The following PTPRT variants were observed in gnomAD, a reference collection of about 807,000 sequenced individuals.
PTPRT encodes protein tyrosine phosphatase receptor type T.
A neutral mutation model predicts 176.8 loss-of-function variants in PTPRT; 56 were observed. That is an observed-to-expected ratio of 0.32 (90% CI 0.26 to 0.40). The LOEUF (loss-of-function observed/expected upper bound fraction) is 0.40. Among genes scored for constraint, PTPRT ranks in the 10% least tolerant of loss-of-function variants. The pLI, the probability that PTPRT is intolerant of heterozygous loss-of-function variation, is 1.00. For missense variants in PTPRT, 1,540 were observed against 1,908.2 expected (o/e 0.81, Z 3.60); for synonymous variants, 783 against 739.0 (o/e 1.06, Z -0.96).
At chr20:42,310,894 TG>T (rs1422154343) in intron 12 of PTPRT, among the ~76,000 whole-genome samples, 1 of 152,214 alleles carries the variant, frequency 6.6e-6, no homozygotes, top group Non-Finnish European at 1.5e-5. Flanking sequence ...GAACAACTCT[TG>T]TGTCATGAAA....
intron 1 of PTPRT, among the ~76,000 whole-genome samples, chr20:42,958,993 G>A (rs1981834508): frequency 6.6e-6 from 1 of 152,154 alleles, no homozygotes. Flanking sequence ...TAAATTAAAT[G>A]TTTCAGTTCA....
chr20:42,910,976 G>A (rs555173379), intron 1 of PTPRT, among the ~76,000 whole-genome samples: 23 of 152,156 alleles, frequency 1.5e-4, no homozygotes, highest in Non-Finnish European at 2.5e-4. Flanking sequence ...ATGAGGGGAA[G>A]AGCCCCTTAT....
intron 7 of PTPRT, among the ~76,000 whole-genome samples, chr20:42,571,187 A>G (rs1430176446): frequency 1.3e-5 from 2 of 152,258 alleles, no homozygotes; most frequent in East Asian, 1.9e-4. Flanking sequence ...AAGCATGAAC[A>G]ATGATGAACA....
At chr20:42,483,986 C>T (rs1232715587) in intron 7 of PTPRT, among the ~76,000 whole-genome samples, 1 of 152,214 alleles carries the variant, frequency 6.6e-6, no homozygotes, top group Non-Finnish European at 1.5e-5. Context: ...TTGGATCTAG[C>T]TTGCAGTTTC....
At chr20:43,183,099 A>G (rs1440871537) in intron 1 of PTPRT, among the ~76,000 whole-genome samples, 1 of 152,208 alleles carries the variant, frequency 6.6e-6, no homozygotes, top group Non-Finnish European at 1.5e-5. Context: ...AAAGCTACCT[A>G]ATTGCTCAGA....
At chr20:42,860,373 T>C (rs939231103) in intron 2 of PTPRT, among the ~76,000 whole-genome samples, 1 of 152,256 alleles carries the variant, frequency 6.6e-6, no homozygotes, top group Non-Finnish European at 1.5e-5. Context: ...CATTCTCTTT[T>C]CAACATTTGC....
In PTPRT at chr20:42,723,339, C is replaced by T. The variant is rs546768916; in HGVS notation, c.859+33123G>A. 2.0e-5 allele frequency among the ~76,000 whole-genome samples: 3 copies of T among 152,104 alleles called. No individual in the cohort carries two copies. In the South Asian group the frequency reaches 6.2e-4, roughly 32 times the overall value. On this transcript the variant is annotated intron_variant, in intron 6 of 30. Coordinates refer to ENST00000373187, the MANE Select transcript of PTPRT (RefSeq NM_007050.6). Reference sequence around the variant, plus strand: ...GGCTTGAATATGGTCCTGCCCAGCTCGGAAGCAGCTGGCAGGTCAACCAGG... The same window carrying T: ...GGCTTGAATATGGTCCTGCCCAGCTTGGAAGCAGCTGGCAGGTCAACCAGG...
At chr20:43,164,137 C>T (rs6130305) in intron 1 of PTPRT, among the ~76,000 whole-genome samples, 34,451 of 152,036 alleles carry the variant, frequency 0.23, 4,272 homozygotes, top group African/African-American at 0.32. Context: ...TTGGAAAGTC[C>T]TACCTTAAAT....
intron 15 of PTPRT, among the ~76,000 whole-genome samples, chr20:42,230,427 T>A (rs965715035): frequency 6.6e-6 from 1 of 152,158 alleles, no homozygotes. Flanking sequence ...CACCTTGAGG[T>A]AAATTAACCT....
chr20:42,279,997 A>C (rs893299095), intron 13 of PTPRT, among the ~76,000 whole-genome samples: 5 of 143,246 alleles, frequency 3.5e-5, no homozygotes, highest in East Asian at 2.0e-4. Flanking sequence ...GCCTTGGGAG[A>C]GACTGGTGAC....
At chr20:42,062,909 T>A in the PTPRT span, among the ~76,000 whole-genome samples, 1 of 152,350 alleles carries the variant, frequency 6.6e-6, no homozygotes, top group South Asian at 2.1e-4. Context: ...CTATGACTTT[T>A]ACAGGTAAGA....
At chr20:42,586,163 T>C (rs989182054) in intron 7 of PTPRT, among the ~76,000 whole-genome samples, 3 of 152,186 alleles carry the variant, frequency 2.0e-5, no homozygotes, top group African/African-American at 7.2e-5. Context: ...GTTGTTCTCA[T>C]GAAATATGCA....
chr20:42,506,918 C>T (rs1000669925), intron 7 of PTPRT, among the ~76,000 whole-genome samples: 2 of 152,054 alleles, frequency 1.3e-5, no homozygotes, highest in Non-Finnish European at 2.9e-5. Flanking sequence ...AGGAAAATGT[C>T]CTCCTGGATC....
chr20:42,144,996 G>A (rs1988796793), intron 17 of PTPRT, among the ~76,000 whole-genome samples: 1 of 152,170 alleles, frequency 6.6e-6, no homozygotes, highest in Non-Finnish European at 1.5e-5. Flanking sequence ...TCTCTCAAGT[G>A]TTAAGTCAAC....
intron 9 of PTPRT, among the ~76,000 whole-genome samples, chr20:42,428,700 T>C (rs1381707093): frequency 2.6e-5 from 4 of 152,172 alleles, no homozygotes; most frequent in Admixed American, 2.6e-4. Flanking sequence ...AATACAATCA[T>C]GACGATGAAG....
Position 42,181,147 on chromosome 20 carries a change from C to T in PTPRT, c.2491+18093G>A, listed in dbSNP as rs905440035. 3.9e-5 allele frequency among the ~76,000 whole-genome samples: 6 copies of T among 152,108 alleles called. No individual in the cohort carries two copies. The South Asian group carries it at 6.2e-4, about 16-fold the overall frequency. ...ATACAATATGATACATCCCTTAATA[C>T]ATAAGAGTAAATTGACTTTTCAGAT... On this transcript the variant is annotated intron_variant, in intron 16 of 30. Transcript: ENST00000373187.
rs6102726 is a variant in PTPRT at position 42,200,882 on chromosome 20, A to C, written c.2343-1494T>G. Among the ~76,000 whole-genome samples the C allele has an allele frequency of 2.7e-3, 406 of 152,322 alleles. 4 individuals are homozygous for C. The highest frequency in any genetic ancestry group is 8.3e-3 in the African/African-American group (346 of 41,588). ...TCATTCCTGTCCTGTCTCAACACAC[A>C]AAAAGGGCTGTCCCAGAGAGGTCAA... On this transcript the variant is annotated intron_variant, in intron 15 of 30. Transcript: ENST00000373187.
chr20:42,833,639 T>C (rs1172700396), intron 2 of PTPRT, among the ~76,000 whole-genome samples: 1 of 151,600 alleles, frequency 6.6e-6, no homozygotes, highest in African/African-American at 2.4e-5. Flanking sequence ...ATGTCTCATA[T>C]AAAAGATAAG....
chr20:42,889,854 G>A (rs150165413), intron 1 of PTPRT, among the ~76,000 whole-genome samples: 7 of 152,254 alleles, frequency 4.6e-5, no homozygotes, highest in East Asian at 1.9e-4. Context: ...TCTATGCTGC[G>A]ATTTTCCACG....
Sources: allele counts gnomAD v4.1 joint callset (sites outside exome capture counted in the v4.1 genomes callset), GRCh38; gene constraint gnomAD v4.1.1; transcripts MANE v1.5; gene names NCBI Gene and HGNC (gene_info 2026-07-23, HGNC 2026-07-21).